The following ZFHX3 variants were observed in gnomAD, a reference collection of about 807,000 sequenced individuals.
The protein encoded by ZFHX3 is zinc finger homeobox 3, also known as zinc finger homeobox protein 3.
Under a neutral mutation model 279.1 loss-of-function variants are expected in ZFHX3, and 42 were observed. That is an observed-to-expected ratio of 0.15 (90% CI 0.12 to 0.19). The LOEUF (loss-of-function observed/expected upper bound fraction) is 0.19, where lower values mean the gene tolerates loss of function less well. Ranked by LOEUF, ZFHX3 falls within the 10% of genes least tolerant of loss-of-function variation. ZFHX3 has a pLI of 1.00. For synonymous variants in ZFHX3, 2,293 were observed against 1,957.8 expected (o/e 1.17, Z -4.52); for missense variants, 4,981 against 4,754.0 (o/e 1.05, Z -1.40).
intron 3 of ZFHX3, among the ~76,000 whole-genome samples, chr16:73,403,423 T>C (rs1229184854): frequency 2.0e-5 from 3 of 152,204 alleles, no homozygotes; most frequent in African/African-American, 4.8e-5. Context: ...TATGCAATTG[T>C]GCATCTGCAC....
At position 72,892,651 on chromosome 16, in the gene ZFHX3, G is replaced by C. The variant is rs552207085; in HGVS notation, c.3217-2689C>G. ...GCCTCTTGAGTAGCTGGGACTACAGGCATAAGCCACCACACCTAGCTAATT... is the reference window on the plus strand; with the variant it reads ...GCCTCTTGAGTAGCTGGGACTACAGCCATAAGCCACCACACCTAGCTAATT... On this transcript the variant is annotated intron_variant, in intron 3 of 9. Coordinates refer to ENST00000268489, the MANE Select transcript of ZFHX3 (RefSeq NM_006885.4). 2.0e-5 allele frequency among the ~76,000 whole-genome samples: 3 copies of C among 152,132 alleles called. No individual in the cohort carries two copies. The East Asian group carries it at 5.8e-4, about 29-fold the overall frequency.
intron 3 of ZFHX3, among the ~76,000 whole-genome samples, chr16:73,439,535 G>A (rs1223136004): frequency 6.6e-6 from 1 of 150,928 alleles, no homozygotes; most frequent in African/African-American, 2.4e-5. Flanking sequence ...GCTGCTTACC[G>A]ATGCTACACT....
At chr16:73,468,229 G>A (rs533816697) in intron 2 of ZFHX3, among the ~76,000 whole-genome samples, 1 of 152,060 alleles carries the variant, frequency 6.6e-6, no homozygotes, top group Admixed American at 6.5e-5. Flanking sequence ...ACACCTCTAA[G>A]GACAGTCCTC....
chr16:73,560,237 G>T (rs967872084), intron 2 of ZFHX3, among the ~76,000 whole-genome samples: 1 of 80,118 alleles, frequency 1.2e-5, no homozygotes, highest in Non-Finnish European at 2.4e-5. Context: ...ATGTGCAAGA[G>T]ATGCTCATTG....
chr16:73,492,943 A>ATAAG (rs922541041), intron 2 of ZFHX3, among the ~76,000 whole-genome samples: 16 of 152,346 alleles, frequency 1.1e-4, no homozygotes, highest in Admixed American at 1.0e-3. Context: ...TGCTCAATAA[A>ATAAG]TAAATAAATG....
At chr16:73,626,603 T>A (rs2052419171) in intron 2 of ZFHX3, among the ~76,000 whole-genome samples, 1 of 152,170 alleles carries the variant, frequency 6.6e-6, no homozygotes, top group African/African-American at 2.4e-5. Context: ...AGCCATAGGA[T>A]CACCAAGGAG....
rs571030847 is a variant in ZFHX3, at chr16:72,834,209, C to G, written c.3449-4350G>C. 5.3e-5 allele frequency among the ~76,000 whole-genome samples: 8 copies of G among 152,290 alleles called. No individual in the cohort carries two copies. In the South Asian group the frequency reaches 1.7e-3, roughly 32 times the overall value. ...GCTGCAGTGAGCCATGACTGCATCA[C>G]TGCACTCTAGCCTGGGCAACAGAGT... On this transcript the variant is annotated intron_variant, in intron 4 of 9. Transcript: ENST00000268489.
chr16:73,666,308 A>G (rs2052842118), intron 2 of ZFHX3, among the ~76,000 whole-genome samples: 1 of 152,030 alleles, frequency 6.6e-6, no homozygotes, highest in Admixed American at 6.5e-5. Flanking sequence ...TCATGTCTCA[A>G]AAGAGTTACC....
chr16:73,240,974 A>G (rs1180323731), intron 5 of ZFHX3, among the ~76,000 whole-genome samples: 1 of 152,214 alleles, frequency 6.6e-6, no homozygotes, highest in East Asian at 1.9e-4. Flanking sequence ...AAGTTTTCAT[A>G]TAAATAATTG....
chr16:72,804,681 T>C (rs2036208775), intron 7 of ZFHX3, among the ~76,000 whole-genome samples: 1 of 152,186 alleles, frequency 6.6e-6, no homozygotes. Flanking sequence ...GTGTCTGAGA[T>C]ACGGGACTAG....
chr16:73,656,649 T>C (rs2052723694), intron 2 of ZFHX3, among the ~76,000 whole-genome samples: 1 of 152,194 alleles, frequency 6.6e-6, no homozygotes, highest in African/African-American at 2.4e-5. Flanking sequence ...ATGCTAAATT[T>C]TTCACTTAAA....
chr16:72,921,397 G>A (rs752620736), intron 3 of ZFHX3, among the ~76,000 whole-genome samples: 3 of 152,312 alleles, frequency 2.0e-5, no homozygotes, highest in East Asian at 1.9e-4. Flanking sequence ...CATCAGACAC[G>A]ACTATCGCTC....
intron 1 of ZFHX3, among the ~76,000 whole-genome samples, chr16:73,729,259 G>A (rs2053547954): frequency 6.6e-6 from 1 of 152,170 alleles, no homozygotes; most frequent in African/African-American, 2.4e-5. Flanking sequence ...TGGCGTGGAG[G>A]CTCACGCCTG....
intron 2 of ZFHX3, among the ~76,000 whole-genome samples, chr16:73,590,229 T>C (rs1447522155): frequency 6.6e-6 from 1 of 152,226 alleles, no homozygotes; most frequent in East Asian, 1.9e-4. Context: ...CAACATTGTC[T>C]GTTAAAGACT....
intron 1 of ZFHX3, among the ~76,000 whole-genome samples, chr16:73,790,945 A>G (rs184196919): frequency 6.6e-6 from 1 of 152,090 alleles, no homozygotes; most frequent in Non-Finnish European, 1.5e-5. Context: ...TGTTGTGCTT[A>G]CCTTCCACTC....
At chr16:73,571,085 G>A (rs2051729988) in intron 2 of ZFHX3, among the ~76,000 whole-genome samples, 1 of 151,784 alleles carries the variant, frequency 6.6e-6, no homozygotes, top group African/African-American at 2.4e-5. Context: ...AATCTAATCA[G>A]TAATTTCTAA....
chr16:73,387,358 A>T (rs1228147205), intron 3 of ZFHX3: 2 of 152,138 alleles, frequency 1.3e-5, no homozygotes, highest in African/African-American at 2.4e-5. Flanking sequence ...TTGCAAAAAA[A>T]ATAACAAATA....
chr16:73,744,319 C>T (rs2053685039), intron 1 of ZFHX3, among the ~76,000 whole-genome samples: 1 of 152,214 alleles, frequency 6.6e-6, no homozygotes, highest in African/African-American at 2.4e-5. Flanking sequence ...TTGTCAATGA[C>T]TACAGGTGAC....
At chr16:73,881,968 C>T (rs1315680104) in intron 1 of ZFHX3, among the ~76,000 whole-genome samples, 2 of 152,016 alleles carry the variant, frequency 1.3e-5, no homozygotes, top group Non-Finnish European at 2.9e-5. Context: ...TGGAGTCTGC[C>T]GTCTCTTAGT....
Sources: allele counts gnomAD v4.1 joint callset (sites outside exome capture counted in the v4.1 genomes callset), GRCh38; gene constraint gnomAD v4.1.1; transcripts MANE v1.5; gene names NCBI Gene and HGNC (gene_info 2026-07-23, HGNC 2026-07-21).